Variants in RAD52 observed in about 807,000 individuals in gnomAD.
The protein encoded by RAD52 is DNA repair protein RAD52 homolog.
RAD52 carries 47 observed loss-of-function variants against 55.5 expected under a neutral mutation model. The ratio of observed to expected loss-of-function variants is 0.85; its 90% CI spans 0.67 to 1.08. The LOEUF is 1.08. Among genes scored for constraint, RAD52 ranks in the 50% least tolerant of loss-of-function variants. The pLI is 0.00. For missense variants in RAD52, 468 were observed against 522.8 expected, an observed-to-expected ratio of 0.90 and a Z score of 1.02; for synonymous variants, 184 against 198.9, an observed-to-expected ratio of 0.92 and a Z score of 0.63.
rs897028108 is a variant in RAD52, at chr12:912,890, A to C, written c.*501T>G. On this transcript the variant is annotated 3_prime_UTR_variant, in exon 12 of 12. Coordinates refer to ENST00000358495, the MANE Select transcript of RAD52 (RefSeq NM_134424.4). ...AAGATTGTAGCCTGGATTGATACAAAGTAGTGAAAAGCACTGCTCCAACCT... is the reference window on the plus strand; with the variant it reads ...AAGATTGTAGCCTGGATTGATACAACGTAGTGAAAAGCACTGCTCCAACCT... 1.0e-5 allele frequency: 2 copies of C among 197,814 alleles called. No individual in the cohort carries two copies. The highest frequency in any genetic ancestry group is 2.1e-5 in the Non-Finnish European group (2 of 95,640). The allele number at this position is 197,814 out of a possible 1,614,324, so 12.3% of individuals were successfully genotyped here.
chr12:938,856 G>T (rs11064600), intron 1 of RAD52, among the ~76,000 whole-genome samples: 1 of 151,720 alleles, frequency 6.6e-6, no homozygotes, highest in African/African-American at 2.4e-5. Context: ...CAACCTCCTG[G>T]GCTCAGGTGA....
chr12:913,306 AG>A lies in RAD52; in HGVS notation c.*84del, dbSNP rs1404693214. 5.0e-6 allele frequency: 5 copies of A among 995,658 alleles called. No individual in the cohort carries two copies. Among genetic ancestry groups the A allele is most frequent in the Non-Finnish European group, 3.1e-6 (2 of 643,704 alleles). 61.7% of individuals were successfully genotyped at this position (995,658 alleles called of 1,614,324 possible). On this transcript the variant is annotated 3_prime_UTR_variant, in exon 12 of 12. Transcript: ENST00000358495. Reference sequence around the variant, plus strand: ...TAAATCGCAATGACGTTCATTCTCCAGCAGCGATGAACAATTTCATGACCAA... The same window carrying A: ...TAAATCGCAATGACGTTCATTCTCCACAGCGATGAACAATTTCATGACCAA...
At position 932,890 on chromosome 12, in the gene RAD52, T is replaced by C. The variant is rs145114672; in HGVS notation, c.84+85A>G. The C allele has an allele frequency of 8.5e-5, 94 of 1,108,878 alleles. 1 individual carries two copies. Among genetic ancestry groups the C allele is most frequent in the African/African-American group, 5.8e-4 (36 of 61,678 alleles). 68.7% of individuals were successfully genotyped at this position (1,108,878 alleles called of 1,614,324 possible). A position where few individuals can be genotyped will look rare whatever the true frequency, so the allele number is the denominator to read the frequency against. On this transcript the variant is annotated intron_variant, in intron 2 of 11. Transcript: ENST00000358495. ...AAACGTACTAGGTACTGCTCACACA[T>C]GTACTACGATGCTCTACAAACTGCC...
chr12:970,680 A>G (rs1484705888), intron 1 of RAD52, among the ~76,000 whole-genome samples: 2 of 152,162 alleles, frequency 1.3e-5, no homozygotes, highest in African/African-American at 2.4e-5. Flanking sequence ...GGGAGAGGGC[A>G]TTTGGGAGGA....
intron 1 of RAD52, among the ~76,000 whole-genome samples, chr12:944,582 T>G (rs1480836435): frequency 6.7e-6 from 1 of 149,556 alleles, no homozygotes; most frequent in African/African-American, 2.5e-5. Context: ...CTGATAGGTG[T>G]TTTCCCAGAG....
At chr12:937,050 A>G (rs1456015287) in intron 1 of RAD52, among the ~76,000 whole-genome samples, 1 of 152,164 alleles carries the variant, frequency 6.6e-6, no homozygotes, top group Admixed American at 6.5e-5. Flanking sequence ...TGCACAACCT[A>G]GAAGTCTATG....
chr12:972,927 A>G (rs1271422778), intron 1 of RAD52, among the ~76,000 whole-genome samples: 1 of 152,182 alleles, frequency 6.6e-6, no homozygotes, highest in Non-Finnish European at 1.5e-5. Context: ...GTAGGACATT[A>G]TAGGCCATCC....
At chr12:916,574 G>C in intron 8 of RAD52, 65 bp downstream of exon 8, 6 of 1,597,828 alleles carry the variant, frequency 3.8e-6, no homozygotes, top group Non-Finnish European at 5.1e-6. Flanking sequence ...CTGGAGGCCT[G>C]AGTGGAGGCA....
chr12:971,667 A>G (rs1283977361), intron 1 of RAD52, among the ~76,000 whole-genome samples: 1 of 152,240 alleles, frequency 6.6e-6, no homozygotes, highest in Non-Finnish European at 1.5e-5. Flanking sequence ...AAATTTGTGA[A>G]AAAGTTTAAA....
At chr12:930,845 T>C (rs1024302846) in intron 3 of RAD52, among the ~76,000 whole-genome samples, 20 of 151,974 alleles carry the variant, frequency 1.3e-4, no homozygotes, top group Non-Finnish European at 2.8e-4. Flanking sequence ...CGTGTGCCTG[T>C]AGTCCCAGCT....
intron 1 of RAD52, among the ~76,000 whole-genome samples, chr12:942,127 G>A (rs1957952593): frequency 6.6e-6 from 1 of 152,176 alleles, no homozygotes; most frequent in South Asian, 2.1e-4. Flanking sequence ...TGGAAATGCA[G>A]AGGATTTAGA....
intron 1 of RAD52, chr12:949,348 G>C (rs976988345): frequency 6.6e-6 from 1 of 152,258 alleles, no homozygotes; most frequent in Non-Finnish European, 1.5e-5. Flanking sequence ...TCCGCACCGC[G>C]GTGGGGTCCC....
At chr12:976,404 T>A (rs1039886527) in intron 1 of RAD52, 1 of 152,228 alleles carries the variant, frequency 6.6e-6, no homozygotes, top group Non-Finnish European at 1.5e-5. Flanking sequence ...TGTGACTGCT[T>A]TGACCAATGG....
upstream of RAD52, among the ~76,000 whole-genome samples, chr12:952,568 A>T (rs775771216): frequency 1.7e-4 from 26 of 152,070 alleles, no homozygotes; most frequent in Non-Finnish European, 3.7e-4. Context: ...TACTCAATTC[A>T]GGATAGACCC....
intron 1 of RAD52, among the ~76,000 whole-genome samples, chr12:971,999 C>T (rs542540378): frequency 6.6e-6 from 1 of 152,248 alleles, no homozygotes; most frequent in South Asian, 2.1e-4. Flanking sequence ...CCGCCCGCCT[C>T]GGCCTCCCAA....
chr12:990,407 A>C (rs1959170257), upstream of RAD52: 1 of 151,886 alleles, frequency 6.6e-6, no homozygotes, highest in Non-Finnish European at 1.5e-5. Flanking sequence ...GCGAGTCTGC[A>C]CGAGAAAATC....
intron 1 of RAD52, among the ~76,000 whole-genome samples, chr12:979,907 C>A (rs148062578): frequency 6.6e-6 from 1 of 152,150 alleles, no homozygotes; most frequent in Admixed American, 6.5e-5. Flanking sequence ...ATTAGCCAGG[C>A]GTGGTGGCAG....
At chr12:988,108 GA>G (rs1959110219) in intron 1 of RAD52, among the ~76,000 whole-genome samples, 1 of 152,050 alleles carries the variant, frequency 6.6e-6, no homozygotes, top group South Asian at 2.1e-4. Context: ...GAATAGCTAG[GA>G]ACACAGGTGC....
At chr12:951,047 C>T (rs933140422), upstream of RAD52, among the ~76,000 whole-genome samples, 1 of 152,104 alleles carries the variant, frequency 6.6e-6, no homozygotes, top group Non-Finnish European at 1.5e-5. Flanking sequence ...CCACTGTGCC[C>T]AGCCAATATT....
Sources: allele counts gnomAD v4.1 joint callset (sites outside exome capture counted in the v4.1 genomes callset), GRCh38; gene constraint gnomAD v4.1.1; transcripts MANE v1.5; gene names NCBI Gene and HGNC (gene_info 2026-07-23, HGNC 2026-07-21).